The following WASF3 variants were observed in gnomAD, a reference collection of about 807,000 sequenced individuals.
WASF3 encodes actin-binding protein WASF3.
WASF3 carries 11 observed loss-of-function variants against 46.6 expected under a neutral mutation model. The ratio of observed to expected loss-of-function variants is 0.24; its 90% CI spans 0.15 to 0.39. The LOEUF (loss-of-function observed/expected upper bound fraction) is 0.39. WASF3 is among the 10% of genes least tolerant of loss of function. WASF3 has a pLI of 1.00. For missense variants in WASF3, 576 were observed against 669.8 expected (o/e 0.86, Z 1.55); for synonymous variants, 242 against 259.7 (o/e 0.93, Z 0.65).
intron 2 of WASF3, among the ~76,000 whole-genome samples, chr13:26,619,998 G>A (rs1042243072): frequency 5.3e-5 from 8 of 152,126 alleles, no homozygotes; most frequent in African/African-American, 1.9e-4. Flanking sequence ...TGTAGGAAGC[G>A]TTTACAATGG....
chr13:26,627,431 A>G (rs4771002), intron 2 of WASF3, among the ~76,000 whole-genome samples: 43,884 of 151,778 alleles, frequency 0.29, 6,757 homozygotes, highest in East Asian at 0.58. Flanking sequence ...AACATTGTCT[A>G]CCCCATTTCC....
rs1182565120 is a variant in WASF3 at position 26,687,488 on chromosome 13, C to T, written c.*1643C>T. 1 of 152,146 alleles carries T rather than the reference C, an allele frequency of 6.6e-6. No homozygotes were observed. Among genetic ancestry groups the T allele is most frequent in the Non-Finnish European group, 1.5e-5 (1 of 68,060 alleles). The allele number at this position is 152,146 out of a possible 1,614,324, so 9.4% of individuals were successfully genotyped here. A position where few individuals can be genotyped will look rare whatever the true frequency, so the allele number is the denominator to read the frequency against. On this transcript the variant is annotated 3_prime_UTR_variant, in exon 10 of 10. Coordinates refer to ENST00000335327, the MANE Select transcript of WASF3 (RefSeq NM_006646.6). ...CTTGTGGGCAGTGATTGTACAGAGC[C>T]TGTCCATTGGGTGCAGTCATGTAGA...
intron 1 of WASF3, among the ~76,000 whole-genome samples, chr13:26,567,489 C>A (rs949326790): frequency 1.3e-5 from 2 of 152,100 alleles, no homozygotes; most frequent in East Asian, 1.9e-4. Flanking sequence ...CGTGTTTGTT[C>A]TTTTATTTGT....
At chr13:26,676,828 G>T in intron 7 of WASF3, 104 bp downstream of exon 7, 3 of 1,091,388 alleles carry the variant, frequency 2.7e-6, no homozygotes, top group East Asian at 2.6e-5. Flanking sequence ...GGTTTATATG[G>T]CCCTTGATGT....
intron 3 of WASF3, among the ~76,000 whole-genome samples, chr13:26,643,178 T>G (rs7331242): frequency 0.15 from 23,296 of 152,188 alleles, 2,365 homozygotes; most frequent in South Asian, 0.26. Flanking sequence ...ACATTTATTT[T>G]CTGATCTTGT....
intron 1 of WASF3, among the ~76,000 whole-genome samples, chr13:26,570,151 C>T (rs1384405651): frequency 2.0e-5 from 3 of 151,922 alleles, no homozygotes; most frequent in Non-Finnish European, 2.9e-5. Flanking sequence ...AGCCGGGTGT[C>T]GTGGCAGGCG....
At chr13:26,594,982 GTA>G (rs1014575727) in intron 1 of WASF3, among the ~76,000 whole-genome samples, 1 of 152,130 alleles carries the variant, frequency 6.6e-6, no homozygotes, top group Non-Finnish European at 1.5e-5. Context: ...TTCCTTTTCT[GTA>G]TAACCACCAG....
chr13:26,590,191 T>A (rs1397149574), intron 1 of WASF3, among the ~76,000 whole-genome samples: 2 of 152,136 alleles, frequency 1.3e-5, no homozygotes, highest in Non-Finnish European at 2.9e-5. Flanking sequence ...CTAATTTCCA[T>A]CCTGTTAATT....
At chr13:26,617,962 T>A (rs541064188) in intron 2 of WASF3, among the ~76,000 whole-genome samples, 1 of 152,292 alleles carries the variant, frequency 6.6e-6, no homozygotes, top group East Asian at 1.9e-4. Flanking sequence ...TGCTTCCCCT[T>A]TGCCCTCCGC....
At chr13:26,557,530 C>A (rs1323717757), upstream of WASF3, among the ~76,000 whole-genome samples, 4 of 152,262 alleles carry the variant, frequency 2.6e-5, no homozygotes, top group South Asian at 4.1e-4. Flanking sequence ...TCGGCACCGT[C>A]GCTCAGCGCG....
chr13:26,543,455 A>G, the WASF3 span, among the ~76,000 whole-genome samples: 2 of 152,186 alleles, frequency 1.3e-5, no homozygotes, highest in African/African-American at 2.4e-5. Flanking sequence ...GAACCATTTG[A>G]AGAGAAATAT....
intron 9 of WASF3, 100 bp from the exon 10 acceptor site, chr13:26,685,588 T>G: frequency 7.1e-7 from 1 of 1,413,814 alleles, no homozygotes; most frequent in Non-Finnish European, 9.7e-7. Context: ...CTGTCCTTAG[T>G]GTCAGTAGAA....
chr13:26,606,295 T>C (rs1454424285), intron 1 of WASF3, among the ~76,000 whole-genome samples: 1 of 151,482 alleles, frequency 6.6e-6, no homozygotes, highest in African/African-American at 2.4e-5. Context: ...TGTTTGACTT[T>C]CTCTTTTTTC....
At chr13:26,680,036 G>A in intron 7 of WASF3, 1 of 1,596,086 alleles carries the variant, frequency 6.3e-7, no homozygotes, top group East Asian at 2.2e-5. Context: ...TTCCTTCAGA[G>A]AGAGAAACAC....
rs1202621775 is a variant in WASF3 at position 26,606,845 on chromosome 13, C to T, written c.-108-6116C>T. On this transcript the variant is annotated intron_variant, in intron 1 of 9. Transcript: ENST00000335327. ...CCATGCTCAGTAGTCCCCCCATATC[C>T]GAGGTTTCACTTACCGCAGTTTCAG... 7 of 152,138 alleles carry T rather than the reference C, an allele frequency of 4.6e-5. No individual in the cohort carries two copies. In the South Asian group the frequency reaches 6.2e-4, roughly 14 times the overall value. 9.4% of individuals were successfully genotyped at this position (152,138 alleles called of 1,614,324 possible).
At chr13:26,652,124 T>C (rs1019802005) in intron 3 of WASF3, among the ~76,000 whole-genome samples, 3 of 152,118 alleles carry the variant, frequency 2.0e-5, no homozygotes, top group Non-Finnish European at 4.4e-5. Flanking sequence ...GCAGAGATTA[T>C]CAGGTTAAAT....
chr13:26,652,864 A>G (rs999761289), intron 3 of WASF3, among the ~76,000 whole-genome samples: 3 of 151,554 alleles, frequency 2.0e-5, no homozygotes, highest in Non-Finnish European at 4.4e-5. Context: ...TTTAAATGTT[A>G]TGTTAGAAAA....
chr13:26,543,257 A>T, the WASF3 span, among the ~76,000 whole-genome samples: 1 of 152,178 alleles, frequency 6.6e-6, no homozygotes, highest in Non-Finnish European at 1.5e-5. Flanking sequence ...CTTCCTCTGC[A>T]CATGCAGGAG....
intron 6 of WASF3, among the ~76,000 whole-genome samples, chr13:26,675,515 CA>C (rs1295551700): frequency 9.1e-6 from 1 of 109,664 alleles, no homozygotes; most frequent in Non-Finnish European, 1.9e-5. Flanking sequence ...CACACACACA[CA>C]CACACACGTA....
Sources: allele counts gnomAD v4.1 joint callset (sites outside exome capture counted in the v4.1 genomes callset), GRCh38; gene constraint gnomAD v4.1.1; transcripts MANE v1.5; gene names NCBI Gene and HGNC (gene_info 2026-07-23, HGNC 2026-07-21).